The following TASP1 variants were observed in gnomAD, a reference collection of about 807,000 sequenced individuals.
The protein encoded by TASP1 is threonine aspartase 1.
Under a neutral mutation model 56.6 loss-of-function variants are expected in TASP1, and 16 were observed. The observed-to-expected ratio is 0.28, with a 90% CI of 0.19 to 0.43. The LOEUF is 0.43. TASP1 is among the 20% of genes least tolerant of loss of function. The probability of loss-of-function intolerance (pLI) is 1.00; values close to 1 mark genes in which losing one functional copy is unlikely to be tolerated. For missense variants in TASP1, 393 were observed against 511.6 expected (o/e 0.77, Z 2.24); for synonymous variants, 179 against 184.2 (o/e 0.97, Z 0.23).
At chr20:13,460,459 C>T (rs2044015266) in intron 11 of TASP1, among the ~76,000 whole-genome samples, 1 of 152,194 alleles carries the variant, frequency 6.6e-6, no homozygotes, top group Admixed American at 6.5e-5. Flanking sequence ...AAAATATCAT[C>T]TGCACACCAT....
At chr20:13,230,687 G>A in the TASP1 span, among the ~76,000 whole-genome samples, 9 of 151,620 alleles carry the variant, frequency 5.9e-5, no homozygotes, top group African/African-American at 1.5e-4. Flanking sequence ...TGGGGGTGTC[G>A]GTTTAGTGCC....
At chr20:13,268,310 T>TTTCTC in the TASP1 span, among the ~76,000 whole-genome samples, 409 of 150,670 alleles carry the variant, frequency 2.7e-3, 3 homozygotes, top group African/African-American at 9.3e-3. Context: ...TCTCTTCTCT[T>TTTCTC]TTCTCTTCTC....
At chr20:13,199,533 T>A in the TASP1 span, among the ~76,000 whole-genome samples, 1 of 152,176 alleles carries the variant, frequency 6.6e-6, no homozygotes, top group Non-Finnish European at 1.5e-5. Context: ...TTTATCTTGT[T>A]TTTACATTTA....
chr20:13,393,167 T>C, intron 13 of TASP1: 1 of 679,822 alleles, frequency 1.5e-6, no homozygotes, highest in Non-Finnish European at 2.8e-6. Context: ...AAGCCATCTA[T>C]GACAACTTTG....
chr20:13,225,034 T>C, the TASP1 span, among the ~76,000 whole-genome samples: 10 of 151,112 alleles, frequency 6.6e-5, no homozygotes, highest in African/African-American at 1.7e-4. Context: ...TTTGTATTTT[T>C]AGTAGAGACG....
chr20:13,189,874 A>T, the TASP1 span, among the ~76,000 whole-genome samples: 1 of 152,214 alleles, frequency 6.6e-6, no homozygotes, highest in Non-Finnish European at 1.5e-5. Flanking sequence ...AGCACTATTC[A>T]TAATAGCAAA....
chr20:13,319,126 T>A, the TASP1 span, among the ~76,000 whole-genome samples: 2 of 152,252 alleles, frequency 1.3e-5, no homozygotes, highest in South Asian at 2.1e-4. Context: ...GGGCAGGGGA[T>A]ATTTGGGAAA....
At chr20:13,510,096 A>ATTATAATAAATAAAT (rs2044272831) in intron 10 of TASP1, among the ~76,000 whole-genome samples, 1 of 152,144 alleles carries the variant, frequency 6.6e-6, no homozygotes, top group African/African-American at 2.4e-5. Flanking sequence ...TTAATAAATA[A>ATTATAATAAATAAAT]AGATTATATT....
chr20:13,216,448 C>T, the TASP1 span, among the ~76,000 whole-genome samples: 3,338 of 152,212 alleles, frequency 0.022, 69 homozygotes, highest in South Asian at 0.053. Flanking sequence ...GCTGTATACA[C>T]GAAATTTTAT....
At chr20:13,298,253 A>C in the TASP1 span, among the ~76,000 whole-genome samples, 3 of 152,086 alleles carry the variant, frequency 2.0e-5, no homozygotes, top group Non-Finnish European at 4.4e-5. Context: ...TTACAGGCGC[A>C]TGCCACAACA....
chr20:13,635,278 C>G (rs907049818), intron 1 of TASP1, among the ~76,000 whole-genome samples: 4 of 152,162 alleles, frequency 2.6e-5, no homozygotes, highest in African/African-American at 9.6e-5. Context: ...CTGCTTACAA[C>G]CTTTGATTCT....
At chr20:13,268,069 G>T in the TASP1 span, among the ~76,000 whole-genome samples, 10 of 151,112 alleles carry the variant, frequency 6.6e-5, no homozygotes, top group Admixed American at 2.6e-4. Context: ...ATGTCATCGA[G>T]AAATCTTATG....
downstream of TASP1, chr20:13,389,244 A>G (rs1215754464): frequency 6.6e-6 from 1 of 152,208 alleles, no homozygotes; most frequent in African/African-American, 2.4e-5. Context: ...TGAGCATTCA[A>G]TCATGTACTA....
At chr20:13,377,453 T>C in the TASP1 span, among the ~76,000 whole-genome samples, 7 of 152,354 alleles carry the variant, frequency 4.6e-5, no homozygotes, top group East Asian at 1.3e-3. Flanking sequence ...ACCTTTTTGA[T>C]ATGCTGCTGG....
At chr20:13,361,428 T>G in the TASP1 span, among the ~76,000 whole-genome samples, 1 of 152,092 alleles carries the variant, frequency 6.6e-6, no homozygotes, top group Admixed American at 6.6e-5. Context: ...TTTATATCCC[T>G]TACGGTCCTC....
At chr20:13,293,208 A>AC in the TASP1 span, among the ~76,000 whole-genome samples, 1 of 77,924 alleles carries the variant, frequency 1.3e-5, no homozygotes, top group African/African-American at 5.5e-5. Context: ...ACTCCGTCTC[A>AC]AAAAAAAAAA....
chr20:13,166,570 CAAATA>C, the TASP1 span: 3 of 152,104 alleles, frequency 2.0e-5, no homozygotes, highest in East Asian at 5.8e-4. Flanking sequence ...ATTATTTGTG[CAAATA>C]AAATGTGTCA....
chr20:13,614,991 T>C, intron 4 of TASP1: 1 of 287,176 alleles, frequency 3.5e-6, no homozygotes, highest in Non-Finnish European at 7.2e-6. Flanking sequence ...GACAATAATA[T>C]GGAAACATCA....
chr20:13,445,831 T>C (rs1774441236), intron 11 of TASP1, among the ~76,000 whole-genome samples: 1 of 152,082 alleles, frequency 6.6e-6, no homozygotes, highest in African/African-American at 2.4e-5. Flanking sequence ...CTGTCCTTTG[T>C]GGGAGCAGGT....
Sources: allele counts gnomAD v4.1 joint callset (sites outside exome capture counted in the v4.1 genomes callset), GRCh38; gene constraint gnomAD v4.1.1; transcripts MANE v1.5; gene names NCBI Gene and HGNC (gene_info 2026-07-23, HGNC 2026-07-21).